Variants in CADM1 observed in about 807,000 individuals in gnomAD.
CADM1 encodes TSLC-1.
Under a neutral mutation model 53.1 loss-of-function variants are expected in CADM1, and 15 were observed. That is an observed-to-expected ratio of 0.28 (90% confidence interval 0.19 to 0.44). CADM1 has a LOEUF of 0.44. Ranked by LOEUF, CADM1 falls within the 20% of genes least tolerant of loss-of-function variation. The probability of loss-of-function intolerance (pLI) is 1.00; values close to 1 mark genes in which losing one functional copy is unlikely to be tolerated. For missense variants in CADM1, 434 were observed against 611.3 expected (o/e 0.71, Z 3.06); for synonymous variants, 281 against 243.0 (o/e 1.16, Z -1.45).
rs564459803 is a variant in CADM1 at position 115,306,484 on chromosome 11, T to C, written c.125-66064A>G. ...CTAAGATTAATGGTCATCTACTCAC[T>C]TCTAGCAGTTCTATATTAAAGACAT... On this transcript the variant is annotated intron_variant, in intron 1 of 11. Transcript: ENST00000331581. Among the ~76,000 whole-genome samples the C allele has an allele frequency of 2.2e-4, 34 of 152,154 alleles. 3 individuals carry two copies. Among genetic ancestry groups the C allele is most frequent in the Admixed American group, 1.2e-3 (19 of 15,262 alleles).
At chr11:115,187,687 C>T (rs778256348) in intron 10 of CADM1, among the ~76,000 whole-genome samples, 3 of 152,294 alleles carry the variant, frequency 2.0e-5, no homozygotes, top group Middle Eastern at 6.8e-3. Context: ...GTGATCCACC[C>T]GTCTCAGCGT....
chr11:115,381,239 A>G (rs1396075619), intron 1 of CADM1, among the ~76,000 whole-genome samples: 1 of 151,492 alleles, frequency 6.6e-6, no homozygotes, highest in Non-Finnish European at 1.5e-5. Context: ...GGTTGCAGTG[A>G]GCCGAGATGG....
At chr11:115,375,953 T>G (rs1227069564) in intron 1 of CADM1, among the ~76,000 whole-genome samples, 1 of 151,934 alleles carries the variant, frequency 6.6e-6, no homozygotes, top group Non-Finnish European at 1.5e-5. Context: ...TAACAATTCT[T>G]TCTATTTAAT....
At chr11:115,372,867 T>C (rs1277833114) in intron 1 of CADM1, among the ~76,000 whole-genome samples, 1 of 152,142 alleles carries the variant, frequency 6.6e-6, no homozygotes, top group Non-Finnish European at 1.5e-5. Flanking sequence ...AAAGAAGGCA[T>C]AACCTAAACC....
intron 1 of CADM1, among the ~76,000 whole-genome samples, chr11:115,251,806 C>T (rs1001472372): frequency 2.0e-5 from 3 of 152,100 alleles, no homozygotes; most frequent in Non-Finnish European, 4.4e-5. Context: ...CCTGGGAAGA[C>T]GTATAATAGA....
intron 1 of CADM1, among the ~76,000 whole-genome samples, chr11:115,261,349 C>T (rs992149701): frequency 6.6e-6 from 1 of 152,156 alleles, no homozygotes; most frequent in African/African-American, 2.4e-5. Flanking sequence ...GACCTCTGTA[C>T]CACTACTTCT....
chr11:115,188,264 A>G (rs1939672532), intron 10 of CADM1, among the ~76,000 whole-genome samples: 1 of 152,236 alleles, frequency 6.6e-6, no homozygotes, highest in African/African-American at 2.4e-5. Context: ...TGACAAAACA[A>G]TTCAAAACTC....
At chr11:115,484,200 TACTA>T (rs776030057) in intron 1 of CADM1, among the ~76,000 whole-genome samples, 3 of 152,196 alleles carry the variant, frequency 2.0e-5, no homozygotes, top group Admixed American at 1.3e-4. Context: ...CATGACCCCC[TACTA>T]ACTAATATGG....
chr11:115,368,110 CTTTTTTTTTTTTT>C (rs58589028), intron 1 of CADM1, among the ~76,000 whole-genome samples: 3 of 61,866 alleles, frequency 4.8e-5, no homozygotes, highest in African/African-American at 6.8e-5. Flanking sequence ...TCACTAGAGT[CTTTTTTTTTTTTT>C]TTTTTTTTTT....
In CADM1 at chr11:115,398,005, C is replaced by A. The variant is rs181657114; in HGVS notation, c.124+106266G>T. 6.1e-3 allele frequency among the ~76,000 whole-genome samples: 931 copies of A among 152,270 alleles called. 8 individuals carry two copies. The highest frequency in any genetic ancestry group is 0.021 in the African/African-American group (889 of 41,564). On this transcript the variant is annotated intron_variant, in intron 1 of 11. Transcript: ENST00000331581. ...TCACTCACCCTCTCTACAAGAGTAT[C>A]ATTACTCATTTTCCCATCCAAATCA...
chr11:115,406,279 T>G (rs1034487175), intron 1 of CADM1, among the ~76,000 whole-genome samples: 2 of 152,102 alleles, frequency 1.3e-5, no homozygotes, highest in Non-Finnish European at 2.9e-5. Flanking sequence ...AGAAAAATTT[T>G]AACCAAATCC....
rs181476522 is a variant in CADM1, at chr11:115,169,425, G to T, written c.*7049C>A. 54 of 368,874 alleles carry T rather than the reference G, an allele frequency of 1.5e-4. No individual in the cohort carries two copies. The highest frequency in any genetic ancestry group is 1.0e-3 in the African/African-American group (48 of 47,276). 22.9% of individuals were successfully genotyped at this position (368,874 alleles called of 1,614,324 possible). A position where few individuals can be genotyped will look rare whatever the true frequency, so the allele number is the denominator to read the frequency against. On this transcript the variant is annotated 3_prime_UTR_variant, in exon 12 of 12. Coordinates refer to ENST00000331581, the MANE Select transcript of CADM1 (RefSeq NM_001301043.2). ...GTTAAGAATCAAGCCATCAAGAACA[G>T]CTGTGAATGTTATACAATTTCAGCA... is the stretch of plus-strand genomic sequence containing the variant.
In CADM1 at chr11:115,229,119, C is replaced by T; in HGVS notation, c.715G>A (p.Val239Ile). ...AAGATACCAGGGTACTCACACTGTA[C>T]TTCTAGATACCGCTGGGTCTGCAGG... ...GNLQTQRYLEVQYKPQVHIQM... is the reference protein window; with the variant it reads ...GNLQTQRYLEIQYKPQVHIQM... Residue 239 changes from valine (V) to isoleucine (I), a missense_variant, in exon 5 of 12, where the codon GTA (valine) becomes ATA (isoleucine). Val to Ile is a conservative substitution (Grantham distance 29, BLOSUM62 3). Transcript: ENST00000331581. 2 of 1,613,954 alleles carry T rather than the reference C, an allele frequency of 1.2e-6. No individual in the cohort carries two copies. Among genetic ancestry groups the T allele is most frequent in the Non-Finnish European group, 1.7e-6 (2 of 1,179,996 alleles).
At chr11:115,298,302 C>G (rs997577759) in intron 1 of CADM1, among the ~76,000 whole-genome samples, 3 of 152,142 alleles carry the variant, frequency 2.0e-5, no homozygotes, top group Non-Finnish European at 4.4e-5. Context: ...CTCTAAGAAG[C>G]TATGTGATTC....
intron 1 of CADM1, among the ~76,000 whole-genome samples, chr11:115,384,296 T>G (rs1160694958): frequency 6.6e-6 from 1 of 152,168 alleles, no homozygotes; most frequent in Admixed American, 6.5e-5. Context: ...TATAGCCGAC[T>G]CATTAAAAGG....
chr11:115,289,394 A>T (rs1943818031), intron 1 of CADM1, among the ~76,000 whole-genome samples: 1 of 151,902 alleles, frequency 6.6e-6, no homozygotes, highest in African/African-American at 2.4e-5. Flanking sequence ...AAATCAAGTT[A>T]TTTATTTACA....
intron 1 of CADM1, among the ~76,000 whole-genome samples, chr11:115,425,496 G>C (rs971598924): frequency 1.1e-4 from 17 of 152,166 alleles, no homozygotes; most frequent in African/African-American, 3.9e-4. Context: ...CTAGGTAACC[G>C]CATCGTAACG....
chr11:115,310,109 G>A (rs969816388), intron 1 of CADM1, among the ~76,000 whole-genome samples: 1 of 152,014 alleles, frequency 6.6e-6, no homozygotes, highest in African/African-American at 2.4e-5. Context: ...AAAAATAAAG[G>A]TAAGAAAGAA....
At chr11:115,313,090 C>G (rs1354318330) in intron 1 of CADM1, among the ~76,000 whole-genome samples, 2 of 151,836 alleles carry the variant, frequency 1.3e-5, no homozygotes, top group Non-Finnish European at 2.9e-5. Flanking sequence ...TGCTTCTAAA[C>G]AAAGATCCTG....
Sources: gnomAD v4.1 joint callset for allele counts (sites outside exome capture counted in the v4.1 genomes callset) on GRCh38, gnomAD v4.1.1 for gene constraint, MANE v1.5 for transcripts, NCBI Gene and HGNC (gene_info 2026-07-23, HGNC 2026-07-21) for gene names.